SPANXN3: variants seen among roughly 807,000 people sequenced by gnomAD.
SPANXN3 encodes SPANX family member N3.
A neutral mutation model predicts 1.9 loss-of-function variants in SPANXN3; 1 was observed. The observed-to-expected ratio is 0.54, with a 90% confidence interval of 0.19 to 2.54. The LOEUF is 2.54. SPANXN3 is among the 30% of genes most tolerant of loss of function. The pLI is 0.24. For missense variants in SPANXN3, 113 were observed against 96.2 expected, an observed-to-expected ratio of 1.17 and a Z score of -0.73; for synonymous variants, 47 against 40.0, an observed-to-expected ratio of 1.17 and a Z score of -0.66.
intron 1 of SPANXN3, among the ~76,000 whole-genome samples, chrX:143,511,870 C>G (rs1929099492): frequency 1.8e-5 from 2 of 111,449 alleles, no homozygotes; most frequent in African/African-American, 6.5e-5. Context: ...GTCCACCACC[C>G]CTACTGCCAT....
chrX:143,509,260 G>T lies in SPANXN3; in HGVS notation c.79-98C>A, dbSNP rs148656387. 1.7e-3 allele frequency: 1,161 copies of T among 667,940 alleles called. 8 individuals carry two copies. The African/African-American group carries it at 0.022, about 12-fold the overall frequency. The allele number at this position is 667,940 out of a possible 1,213,427, so 55.0% of individuals were successfully genotyped here. ...GGGCTTTATGAGAAGGAATGCAGGT[G>T]GAGGAAGGGGTGTGTGCCAGAGAAG... On this transcript the variant is annotated intron_variant, in intron 1 of 1. Transcript: ENST00000370503.
At chrX:143,515,652 C>T (rs1444201721) in intron 1 of SPANXN3, among the ~76,000 whole-genome samples, 10 of 110,254 alleles carry the variant, frequency 9.1e-5, no homozygotes, top group Non-Finnish European at 1.9e-5. Context: ...CAGCCTCACA[C>T]CTTTCCTCTT....
rs1336684662 is a variant in SPANXN3, at chrX:143,517,134, A to C, written c.78+180T>G. Among the ~76,000 whole-genome samples, 4 of 110,745 alleles carry C rather than the reference A, an allele frequency of 3.6e-5. No individual in the cohort carries two copies. In the Admixed American group the frequency reaches 3.8e-4, roughly 11 times the overall value. ...TGCCGGGCAGCAAGCCATACTGCCC[A>C]GGCCCCTCCCACCCCTACCTACAAG... On this transcript the variant is annotated intron_variant, in intron 1 of 1. Coordinates refer to ENST00000370503, the MANE Select transcript of SPANXN3 (RefSeq NM_001009609.4).
rs181821167 is a variant in SPANXN3 at position 143,512,344 on chromosome X, A to G, written c.79-3182T>C. ...ACATCCCAGTTAAAATAACCTTTCA[A>G]AACTCCTCCATTTTCTTTTTTCAGT... On this transcript the variant is annotated intron_variant, in intron 1 of 1. Coordinates refer to ENST00000370503, the MANE Select transcript of SPANXN3 (RefSeq NM_001009609.4). Among the ~76,000 whole-genome samples, 8 of 111,468 alleles carry G rather than the reference A, an allele frequency of 7.2e-5. No homozygotes were observed. The East Asian group carries it at 1.4e-3, about 20-fold the overall frequency.
chrX:143,517,180 G>C, intron 1 of SPANXN3, 134 bp downstream of exon 1: 6 of 754,471 alleles, frequency 8.0e-6, no homozygotes, highest in African/African-American at 4.3e-5. Context: ...TGTAAGCAGC[G>C]GTGGGCTCTG....
intron 1 of SPANXN3, among the ~76,000 whole-genome samples, chrX:143,511,795 A>G (rs1469842933): frequency 9.0e-6 from 1 of 110,952 alleles, no homozygotes; most frequent in East Asian, 2.9e-4. Flanking sequence ...TGGAAGTCAG[A>G]CTGTGCTCAG....
chrX:143,512,798 G>T (rs782446165), intron 1 of SPANXN3, among the ~76,000 whole-genome samples: 1 of 111,243 alleles, frequency 9.0e-6, no homozygotes, highest in South Asian at 3.9e-4. Context: ...CCTCATCAAG[G>T]ACCTAGGTGA....
At chrX:143,517,106 T>C (rs113490027) in intron 1 of SPANXN3, among the ~76,000 whole-genome samples, 2,269 of 110,499 alleles carry the variant, frequency 0.021, 57 homozygotes, top group African/African-American at 0.07. Context: ...CTTATCAATA[T>C]CCTGCCGGGC....
intron 1 of SPANXN3, among the ~76,000 whole-genome samples, chrX:143,515,479 A>G (rs1217542565): frequency 3.6e-5 from 4 of 111,282 alleles, no homozygotes; most frequent in African/African-American, 1.3e-4. Flanking sequence ...CATGTCCCTG[A>G]ATAGTCCATG....
At chrX:143,509,428 T>C (rs1929041156) in intron 1 of SPANXN3, among the ~76,000 whole-genome samples, 1 of 111,114 alleles carries the variant, frequency 9.0e-6, no homozygotes, top group South Asian at 3.9e-4. Context: ...TCCATGGGGG[T>C]TCAGGCCATG....
At chrX:143,510,298 G>T (rs1929062960) in intron 1 of SPANXN3, 1 of 111,033 alleles carries the variant, frequency 9.0e-6, no homozygotes, top group Non-Finnish European at 1.9e-5. Flanking sequence ...GGTGACTGCA[G>T]CCTCCCTTCT....
intron 1 of SPANXN3, chrX:143,509,483 T>C (rs781938733): frequency 4.1e-5 from 10 of 240,993 alleles, no homozygotes; most frequent in Middle Eastern, 1.4e-3. Flanking sequence ...GGACAAAGGC[T>C]CAACTAAAGA....
rs148489445 is a variant in SPANXN3, at chrX:143,511,023, C to T, written c.79-1861G>A. 8.9e-3 allele frequency among the ~76,000 whole-genome samples: 994 copies of T among 112,240 alleles called. 10 individuals are homozygous for T. Among genetic ancestry groups the T allele is most frequent in the African/African-American group, 0.031 (948 of 30,869 alleles). ...AGTTCCCTAGCTGACTTCTCCCATA[C>T]TGAAAAGAGACTTTGCTCCTTTTCA... On this transcript the variant is annotated intron_variant, in intron 1 of 1. Coordinates refer to ENST00000370503, the MANE Select transcript of SPANXN3 (RefSeq NM_001009609.4).
intron 1 of SPANXN3, among the ~76,000 whole-genome samples, chrX:143,516,129 C>T (rs1425159108): frequency 1.6e-4 from 18 of 112,118 alleles, no homozygotes; most frequent in South Asian, 7.5e-4. Flanking sequence ...CTTTCCAAAA[C>T]CAAACAGCCT....
Position 143,514,654 on chromosome X carries a change from C to A in SPANXN3, c.78+2660G>T, listed in dbSNP as rs782182412. Among the ~76,000 whole-genome samples the A allele has an allele frequency of 1.4e-4, 16 of 111,385 alleles. 1 individual carries two copies. The South Asian group carries it at 3.9e-3, about 27-fold the overall frequency. On this transcript the variant is annotated intron_variant, in intron 1 of 1. Coordinates refer to ENST00000370503, the MANE Select transcript of SPANXN3 (RefSeq NM_001009609.4). ...TTTTCCCACCACCACCGAAAAGGCA[C>A]AGACCATTGCTTCTATTCTCTTCAC...
chrX:143,516,657 C>G (rs1460873851), intron 1 of SPANXN3: 8 of 112,261 alleles, frequency 7.1e-5, no homozygotes, highest in African/African-American at 2.6e-4. Context: ...ACTCCCCTGT[C>G]CAGGCGGCCA....
chrX:143,516,124 C>T (rs1187853824), intron 1 of SPANXN3, among the ~76,000 whole-genome samples: 1 of 112,009 alleles, frequency 8.9e-6, no homozygotes, highest in East Asian at 2.8e-4. Flanking sequence ...CCTCTCTTTC[C>T]AAAACCAAAC....
intron 1 of SPANXN3, among the ~76,000 whole-genome samples, chrX:143,512,621 T>C (rs1439617640): frequency 1.8e-5 from 2 of 111,337 alleles, no homozygotes; most frequent in Non-Finnish European, 3.8e-5. Context: ...TACACACTCC[T>C]CTGTATTGGA....
At chrX:143,509,215 T>C (rs782623759) in intron 1 of SPANXN3, 53 bp from the exon 2 acceptor site, 167 of 1,017,988 alleles carry the variant, frequency 1.6e-4, no homozygotes, top group Non-Finnish European at 2.2e-4. Context: ...GTGAATAGGA[T>C]AGAGACTAGA....
Sources: gnomAD v4.1 joint callset for allele counts (sites outside exome capture counted in the v4.1 genomes callset) on GRCh38, gnomAD v4.1.1 for gene constraint, MANE v1.5 for transcripts, NCBI Gene and HGNC (gene_info 2026-07-23, HGNC 2026-07-21) for gene names.